CSMD1: variants seen among roughly 807,000 people sequenced by gnomAD.
CSMD1 encodes CUB and Sushi multiple domains 1.
In CSMD1, 213 loss-of-function variants were observed where a neutral mutation model predicts 417.5. The observed-to-expected ratio is 0.51, with a 90% confidence interval of 0.46 to 0.57. CSMD1 has a LOEUF of 0.57. Among genes scored for constraint, CSMD1 ranks in the 20% least tolerant of loss-of-function variants. CSMD1 has a pLI of 0.00. For synonymous variants in CSMD1, 2,862 were observed against 1,736.8 expected (o/e 1.65, Z -16.11); for missense variants, 6,923 against 4,529.7 (o/e 1.53, Z -15.17).
intron 55 of CSMD1, among the ~76,000 whole-genome samples, chr8:2,976,125 A>G (rs1363070037): frequency 6.6e-6 from 1 of 152,046 alleles, no homozygotes; most frequent in African/African-American, 2.4e-5. Context: ...GAAAGTTACC[A>G]CTGTCGTTCT....
At chr8:4,370,596 C>A (rs1348460938) in intron 3 of CSMD1, among the ~76,000 whole-genome samples, 1 of 152,152 alleles carries the variant, frequency 6.6e-6, no homozygotes, top group African/African-American at 2.4e-5. Context: ...GGTCTCTTTG[C>A]ATAATCTCAT....
chr8:4,390,497 T>TTTTTTTTTTATTTATTTA (rs58291340), intron 3 of CSMD1, among the ~76,000 whole-genome samples: 1 of 140,324 alleles, frequency 7.1e-6, no homozygotes, highest in Non-Finnish European at 1.5e-5. Flanking sequence ...AAGCGTCCAT[T>TTTTTTTTTTATTTATTTA]TTTATTTATT....
At chr8:3,298,462 C>G (rs1804135064) in intron 25 of CSMD1, among the ~76,000 whole-genome samples, 1 of 151,968 alleles carries the variant, frequency 6.6e-6, no homozygotes, top group Admixed American at 6.6e-5. Flanking sequence ...CAATCTCTCT[C>G]TCTCTTTTTT....
intron 1 of CSMD1, among the ~76,000 whole-genome samples, chr8:4,779,825 C>T (rs1797061365): frequency 6.6e-6 from 1 of 152,178 alleles, no homozygotes; most frequent in Non-Finnish European, 1.5e-5. Flanking sequence ...TGGAAGCCTG[C>T]TAAGCAGCAT....
intron 2 of CSMD1, among the ~76,000 whole-genome samples, chr8:4,618,092 A>G (rs1334776151): frequency 6.6e-6 from 1 of 152,126 alleles, no homozygotes; most frequent in African/African-American, 2.4e-5. Flanking sequence ...TTTTGGTACA[A>G]TCTGCCGAGG....
In CSMD1 at chr8:3,151,214, G is replaced by A. The variant is rs1819174478; in HGVS notation, c.6031+183C>T. ...TTGAAAAGAGTTGCATGGCTTAATT[G>A]ATTTTTCAAATAAGTTTTCCACTCT... On this transcript the variant is annotated intron_variant, in intron 40 of 69. Transcript: ENST00000635120. The A allele has an allele frequency of 1.4e-5, 7 of 516,986 alleles. No homozygotes were observed. In the Admixed American group the frequency reaches 2.4e-4, roughly 18 times the overall value. The allele number at this position is 516,986 out of a possible 1,614,324, so 32.0% of individuals were successfully genotyped here.
chr8:3,037,631 G>C (rs34946224), intron 50 of CSMD1, among the ~76,000 whole-genome samples: 42,018 of 151,944 alleles, frequency 0.28, 6,162 homozygotes, highest in African/African-American at 0.32. Flanking sequence ...GGCTGCTGGA[G>C]CGGACGGTAA....
At chr8:3,814,265 C>G (rs1055164268) in intron 5 of CSMD1, among the ~76,000 whole-genome samples, 1 of 152,152 alleles carries the variant, frequency 6.6e-6, no homozygotes, top group Non-Finnish European at 1.5e-5. Context: ...ATACTTAGTT[C>G]TGAAATTCTG....
At chr8:3,647,837 G>C (rs978628607) in intron 7 of CSMD1, among the ~76,000 whole-genome samples, 4 of 152,234 alleles carry the variant, frequency 2.6e-5, no homozygotes, top group Non-Finnish European at 4.4e-5. Flanking sequence ...GTGAATCTGA[G>C]AAGGCACTTT....
At chr8:4,862,785 T>C (rs190340654) in intron 1 of CSMD1, among the ~76,000 whole-genome samples, 41 of 152,042 alleles carry the variant, frequency 2.7e-4, no homozygotes, top group Non-Finnish European at 4.6e-4. Flanking sequence ...AATCATGAAA[T>C]CCGGTGACAG....
At chr8:4,045,543 C>G (rs948267548) in intron 3 of CSMD1, among the ~76,000 whole-genome samples, 12 of 152,142 alleles carry the variant, frequency 7.9e-5, no homozygotes, top group Admixed American at 2.0e-4. Context: ...GCAGCAGATG[C>G]TGTTACAGCT....
At chr8:4,851,513 C>T (rs2028227) in intron 1 of CSMD1, among the ~76,000 whole-genome samples, 29,977 of 151,856 alleles carry the variant, frequency 0.2, 3,837 homozygotes, top group Non-Finnish European at 0.29. Context: ...TTCTCACTCC[C>T]CTATACATTC....
chr8:3,427,629 A>G (rs1189248047), intron 12 of CSMD1, among the ~76,000 whole-genome samples: 1 of 152,230 alleles, frequency 6.6e-6, no homozygotes, highest in African/African-American at 2.4e-5. Context: ...TAGTGTTCAT[A>G]GAGTGATCCC....
At chr8:4,562,668 G>A (rs1375564709) in intron 2 of CSMD1, among the ~76,000 whole-genome samples, 2 of 152,104 alleles carry the variant, frequency 1.3e-5, no homozygotes, top group Non-Finnish European at 2.9e-5. Context: ...CAACTCAAGA[G>A]CAAGTCACGC....
intron 3 of CSMD1, among the ~76,000 whole-genome samples, chr8:4,062,027 C>A (rs906676951): frequency 6.6e-6 from 1 of 152,050 alleles, no homozygotes; most frequent in Admixed American, 6.6e-5. Flanking sequence ...GAGGAGAGCA[C>A]GCAGGTGGTG....
Position 3,423,121 on chromosome 8 carries a change from C to G in CSMD1, c.1562-13516G>C, listed in dbSNP as rs572119539. ...TTTGGGGTCACTTATTATTACTCATCATAGTTCAATGATATTTTTAAATAA... is the reference window on the plus strand; with the variant it reads ...TTTGGGGTCACTTATTATTACTCATGATAGTTCAATGATATTTTTAAATAA... On this transcript the variant is annotated intron_variant, in intron 12 of 69. Transcript: ENST00000635120. Among the ~76,000 whole-genome samples, 6 of 152,270 alleles carry G rather than the reference C, an allele frequency of 3.9e-5. No homozygotes were observed. The East Asian group carries it at 1.2e-3, about 29-fold the overall frequency.
intron 1 of CSMD1, among the ~76,000 whole-genome samples, chr8:4,664,554 G>T (rs1213296298): frequency 6.6e-6 from 1 of 152,044 alleles, no homozygotes; most frequent in Non-Finnish European, 1.5e-5. Flanking sequence ...CAGCAAGAGC[G>T]TGTCTTGAAA....
intron 2 of CSMD1, among the ~76,000 whole-genome samples, chr8:4,619,810 C>A (rs1436349811): frequency 6.6e-6 from 1 of 152,014 alleles, no homozygotes; most frequent in Non-Finnish European, 1.5e-5. Context: ...TAGCACATAT[C>A]AGTTGAAATA....
chr8:4,195,264 C>A (rs901995841), intron 3 of CSMD1, among the ~76,000 whole-genome samples: 23 of 152,134 alleles, frequency 1.5e-4, no homozygotes, highest in African/African-American at 5.6e-4. Flanking sequence ...GAGACAGGGT[C>A]TTGCTCTTTC....
Sources: allele counts gnomAD v4.1 joint callset (sites outside exome capture counted in the v4.1 genomes callset), GRCh38; gene constraint gnomAD v4.1.1; transcripts MANE v1.5; gene names NCBI Gene and HGNC (gene_info 2026-07-23, HGNC 2026-07-21).